RBM25: variants seen among roughly 807,000 people sequenced by gnomAD.
RBM25 encodes RNA binding motif protein 25.
Under a neutral mutation model 120.7 loss-of-function variants are expected in RBM25, and 19 were observed. The ratio of observed to expected loss-of-function variants is 0.16; its 90% CI spans 0.11 to 0.23. The LOEUF is 0.23. Ranked by LOEUF, RBM25 falls within the 10% of genes least tolerant of loss-of-function variation. RBM25 has a pLI of 1.00. For synonymous variants in RBM25, 390 were observed against 326.7 expected (o/e 1.19, Z -2.09); for missense variants, 605 against 1,041.5 (o/e 0.58, Z 5.77).
At chr14:73,090,951 A>G (rs536020446) in intron 6 of RBM25, among the ~76,000 whole-genome samples, 1 of 152,206 alleles carries the variant, frequency 6.6e-6, no homozygotes, top group Non-Finnish European at 1.5e-5. Context: ...CTAAAACCTC[A>G]AAAAACAGAA....
At chr14:73,088,669 C>T (rs532503945) in intron 6 of RBM25, among the ~76,000 whole-genome samples, 1 of 152,306 alleles carries the variant, frequency 6.6e-6, no homozygotes, top group Non-Finnish European at 1.5e-5. Flanking sequence ...ATTACCTCCT[C>T]AGCAAAGTGA....
In RBM25 at chr14:73,111,111, A is replaced by T. The variant is rs1896301966; in HGVS notation, c.1973A>T (p.Gln658Leu). The change falls in exon 15 of 19, where the codon CAA becomes CTA. Residue 658 changes from glutamine (Q) to leucine (L), a missense_variant. Gln to Leu is a moderately radical substitution (Grantham distance 113, BLOSUM62 -2). Transcript: ENST00000261973. ...IPHENSPDQQ[Q>L]PEEHRPKIGL... Reference sequence around the variant, plus strand: ...CATGAAAACTCACCAGATCAACAGCAACCTGAGGAGCATAGGCCAAAAATA... The same window carrying T: ...CATGAAAACTCACCAGATCAACAGCTACCTGAGGAGCATAGGCCAAAAATA... The T allele has an allele frequency of 1.2e-6, 2 of 1,614,050 alleles. No individual in the cohort carries two copies. The highest frequency in any genetic ancestry group is 4.5e-5 in the East Asian group (2 of 44,900).
intron 4 of RBM25, among the ~76,000 whole-genome samples, chr14:73,081,422 CT>C (rs779934636): frequency 1.2e-4 from 18 of 152,258 alleles, no homozygotes; most frequent in Non-Finnish European, 2.4e-4. Flanking sequence ...CTTTTCCCTT[CT>C]TTTCTAGAGC....
At chr14:73,117,238 T>TTTTTTTTTTTTTTTTTTTTTTTTTTTTC (rs1896454258) in intron 18 of RBM25, among the ~76,000 whole-genome samples, 1 of 72,232 alleles carries the variant, frequency 1.4e-5, no homozygotes. Flanking sequence ...TTTTTTTTTT[T>TTTTTTTTTTTTTTTTTTTTTTTTTTTTC]TTTTTTGAGA....
At chr14:73,099,505 C>T in intron 8 of RBM25, 72 bp downstream of exon 8, 1 of 1,585,398 alleles carries the variant, frequency 6.3e-7, no homozygotes, top group Non-Finnish European at 8.6e-7. Flanking sequence ...TCTTGTCTAT[C>T]TGATTTTTCA....
intron 4 of RBM25, among the ~76,000 whole-genome samples, chr14:73,080,295 C>A (rs1399222514): frequency 7.7e-6 from 1 of 129,296 alleles, no homozygotes; most frequent in East Asian, 2.7e-4. Context: ...ACCATCTTGG[C>A]TCACTGCAAG....
chr14:73,072,873 G>T (rs1398056020), intron 2 of RBM25, among the ~76,000 whole-genome samples: 1 of 152,160 alleles, frequency 6.6e-6, no homozygotes, highest in Non-Finnish European at 1.5e-5. Flanking sequence ...TAGCATGTAT[G>T]TTACGGGGGT....
At chr14:73,072,217 C>T (rs931091694) in intron 2 of RBM25, among the ~76,000 whole-genome samples, 12 of 152,084 alleles carry the variant, frequency 7.9e-5, no homozygotes, top group East Asian at 3.9e-4. Flanking sequence ...AATGATCTGC[C>T]GGCCTCCGGC....
intron 6 of RBM25, among the ~76,000 whole-genome samples, chr14:73,092,764 G>A (rs1200664436): frequency 6.6e-6 from 1 of 151,702 alleles, no homozygotes; most frequent in African/African-American, 2.4e-5. Context: ...ATGGGGTCTC[G>A]CGTTGTTGCC....
rs139510643 is a variant in RBM25, at chr14:73,075,231, G to T, written c.107-1088G>T. Among the ~76,000 whole-genome samples, 601 of 150,856 alleles carry T rather than the reference G, an allele frequency of 4.0e-3. 4 individuals carry two copies. The highest frequency in any genetic ancestry group is 0.014 in the African/African-American group (563 of 40,978). ...GGCTGGAGTGCAATGGTGTGATCTC[G>T]GCTCACTGCAACCTCTGCCTCCCGG... On this transcript the variant is annotated intron_variant, in intron 2 of 18. Transcript: ENST00000261973.
Position 73,077,457 on chromosome 14 carries a change from A to G in RBM25, c.245A>G (p.Asn82Ser). The change falls in exon 4 of 19, where the codon AAT becomes AGT. Residue 82 changes from asparagine (N) to serine (S), a missense_variant. Asn to Ser is a conservative substitution (Grantham distance 46). Coordinates refer to ENST00000261973, the MANE Select transcript of RBM25 (RefSeq NM_021239.3). Reference protein sequence around the residue: ...PGLKAKENDENCGPTTTVFVG... With the variant: ...PGLKAKENDESCGPTTTVFVG... Reference sequence around the variant, plus strand: ...TTAAAGGCTAAAGAAAATGATGAAAATTGTGGTCCTACTACCACTGTTTTT... The same window carrying G: ...TTAAAGGCTAAAGAAAATGATGAAAGTTGTGGTCCTACTACCACTGTTTTT... The G allele has an allele frequency of 6.2e-7, 1 of 1,614,092 alleles. No homozygotes were observed. Among genetic ancestry groups the G allele is most frequent in the South Asian group, 1.1e-5 (1 of 91,076 alleles).
At chr14:73,104,540 A>AT (rs982775006) in intron 10 of RBM25, among the ~76,000 whole-genome samples, 4 of 150,970 alleles carry the variant, frequency 2.6e-5, no homozygotes, top group African/African-American at 4.9e-5. Context: ...TAATTTTTGT[A>AT]TTTTTTTTGT....
intron 9 of RBM25, 175 bp downstream of exon 9, chr14:73,099,925 C>T: frequency 9.8e-7 from 1 of 1,021,646 alleles, no homozygotes; most frequent in Non-Finnish European, 1.3e-6. Flanking sequence ...TAAAGTGGTC[C>T]TTGACATGTT....
At chr14:73,072,692 G>A (rs1895323342) in intron 2 of RBM25, among the ~76,000 whole-genome samples, 2 of 152,324 alleles carry the variant, frequency 1.3e-5, no homozygotes, top group South Asian at 2.1e-4. Flanking sequence ...GTGCGTGTCT[G>A]TTGTCTTGGC....
At chr14:73,097,195 T>TA in intron 7 of RBM25, 95 bp downstream of exon 7, 61 of 384,214 alleles carry the variant, frequency 1.6e-4, no homozygotes, top group Non-Finnish European at 1.9e-4. Context: ...TTTTTTCTTT[T>TA]CTTTTTTTTT....
chr14:73,069,028 C>CGAGTA (rs1176155090), intron 1 of RBM25, among the ~76,000 whole-genome samples: 1 of 151,934 alleles, frequency 6.6e-6, no homozygotes, highest in African/African-American at 2.4e-5. Flanking sequence ...CTCAGCCTCC[C>CGAGTA]GAGTAGCTGG....
chr14:73,078,119 A>G (rs1190506582), intron 4 of RBM25, among the ~76,000 whole-genome samples: 1 of 152,168 alleles, frequency 6.6e-6, no homozygotes, highest in Non-Finnish European at 1.5e-5. Context: ...CCTGACCAAC[A>G]TGGTGAGACC....
At position 73,111,684 on chromosome 14, in the gene RBM25, C is replaced by A. The variant is rs1267387852; in HGVS notation, c.2174C>A (p.Thr725Asn). ...LDYGEDDKNA[T>N]KGTVNTEEKR... ...TATGGTGAAGATGATAAAAATGCAA[C>A]CAAAGGCACTGTAAACACTGAAGAA... Residue 725 changes from threonine to asparagine, a missense_variant, in exon 16 of 19, where the codon ACC (threonine) becomes AAC (asparagine). Coordinates refer to ENST00000261973, the MANE Select transcript of RBM25 (RefSeq NM_021239.3). The A allele has an allele frequency of 1.2e-5, 19 of 1,613,970 alleles. No individual in the cohort carries two copies. Among genetic ancestry groups the A allele is most frequent in the African/African-American group, 1.3e-5 (1 of 74,910 alleles).
chr14:73,106,423 G>T, intron 12 of RBM25, 138 bp downstream of exon 12: 1 of 751,584 alleles, frequency 1.3e-6, no homozygotes, highest in Non-Finnish European at 1.9e-6. Flanking sequence ...TGTATTTTGA[G>T]TAATTTTGAG....
Sources: allele counts gnomAD v4.1 joint callset (sites outside exome capture counted in the v4.1 genomes callset), GRCh38; gene constraint gnomAD v4.1.1; transcripts MANE v1.5; gene names NCBI Gene and HGNC (gene_info 2026-07-23, HGNC 2026-07-21).